FIG4: variants seen among roughly 807,000 people sequenced by gnomAD.
FIG4 encodes the protein polyphosphoinositide phosphatase.
A neutral mutation model predicts 118.6 loss-of-function variants in FIG4; 112 were observed. The ratio of observed to expected loss-of-function variants is 0.94; its 90% CI spans 0.81 to 1.11. The LOEUF (loss-of-function observed/expected upper bound fraction) is 1.11, where lower values mean the gene tolerates loss of function less well. FIG4 is among the 50% of genes least tolerant of loss of function. The probability of loss-of-function intolerance (pLI) is 0.00; values close to 1 mark genes in which losing one functional copy is unlikely to be tolerated. For synonymous variants in FIG4, 369 were observed against 381.2 expected (o/e 0.97, Z 0.37); for missense variants, 969 against 1,111.7 (o/e 0.87, Z 1.83).
intron 18 of FIG4, among the ~76,000 whole-genome samples, chr6:109,789,120 T>A (rs989770810): frequency 1.3e-5 from 2 of 152,228 alleles, no homozygotes; most frequent in African/African-American, 2.4e-5. Context: ...ATGTTGTCCA[T>A]GAAACTGAAC....
chr6:109,713,034 C>G (rs1472453402), intron 1 of FIG4, among the ~76,000 whole-genome samples: 2 of 152,160 alleles, frequency 1.3e-5, no homozygotes, highest in Admixed American at 1.3e-4. Flanking sequence ...GGACTGTGTG[C>G]TCTAACTCTG....
chr6:109,743,659 C>G lies in FIG4; in HGVS notation c.1040-16C>G. 1.2e-6 allele frequency: 2 copies of G among 1,600,032 alleles called. No individual in the cohort carries two copies. The highest frequency in any genetic ancestry group is 1.7e-6 in the Non-Finnish European group (2 of 1,168,704). On this transcript the variant is annotated splice_polypyrimidine_tract_variant and intron_variant, in intron 9 of 22. Transcript: ENST00000230124. ...AATTTTCATTCAGGTGCTTTTTCAT[C>G]TTTTTTCCTTCTCAGTGGATCAGGC...
At chr6:109,756,850 A>C (rs1039726305) in intron 10 of FIG4, among the ~76,000 whole-genome samples, 5 of 152,108 alleles carry the variant, frequency 3.3e-5, no homozygotes, top group South Asian at 2.1e-4. Context: ...AATTTTTTTC[A>C]AAGTTTTCAA....
At chr6:109,766,960 A>AAG in intron 15 of FIG4, 65 bp downstream of exon 15, 1 of 1,330,542 alleles carries the variant, frequency 7.5e-7, no homozygotes, top group Non-Finnish European at 1.1e-6. Flanking sequence ...ATGTCTTTTA[A>AAG]AGCTATCTGG....
In FIG4 at chr6:109,732,748, G is replaced by A. The variant is rs115467680; in HGVS notation, c.497+61G>A. 2,581 of 1,014,838 alleles carry A rather than the reference G, an allele frequency of 2.5e-3. 40 individuals are homozygous for A. In the African/African-American group the frequency reaches 0.031, roughly 12 times the overall value. The allele number at this position is 1,014,838 out of a possible 1,614,324, so 62.9% of individuals were successfully genotyped here. ...ATAAACTTTTATATTATTTTCCAGC[G>A]GGTAAAAGCAGAATGAGAACATAGT... On this transcript the variant is annotated intron_variant, in intron 5 of 22. Coordinates refer to ENST00000230124, the MANE Select transcript of FIG4 (RefSeq NM_014845.6).
At chr6:109,761,825 G>A (rs527968473) in intron 11 of FIG4, among the ~76,000 whole-genome samples, 2 of 152,312 alleles carry the variant, frequency 1.3e-5, no homozygotes, top group East Asian at 3.9e-4. Flanking sequence ...CTCAGGCAGG[G>A]ATGTTATATG....
intron 4 of FIG4, among the ~76,000 whole-genome samples, chr6:109,730,896 TAAA>T: frequency 6.6e-6 from 1 of 152,096 alleles, no homozygotes; most frequent in East Asian, 1.9e-4. Flanking sequence ...TTTGATACTG[TAAA>T]TATTCAAAAT....
At chr6:109,744,601 G>A (rs1776425630) in intron 10 of FIG4, among the ~76,000 whole-genome samples, 1 of 151,992 alleles carries the variant, frequency 6.6e-6, no homozygotes, top group East Asian at 1.9e-4. Context: ...AAGGAAGCCT[G>A]TGACCCTGTG....
intron 1 of FIG4, among the ~76,000 whole-genome samples, chr6:109,695,579 T>TACACACACACACACACACAG: frequency 6.7e-6 from 1 of 148,820 alleles, no homozygotes; most frequent in East Asian, 2.0e-4. Context: ...ATGCAGTGAA[T>TACACACACACACACACACAG]ACACACACAC....
At chr6:109,766,511 C>T (rs1159656702) in intron 14 of FIG4, among the ~76,000 whole-genome samples, 2 of 152,074 alleles carry the variant, frequency 1.3e-5, no homozygotes, top group Non-Finnish European at 2.9e-5. Context: ...TTTTTGGTGC[C>T]CCTGCTTCCA....
At chr6:109,793,708 C>T (rs1245117303) in intron 21 of FIG4, among the ~76,000 whole-genome samples, 1 of 151,930 alleles carries the variant, frequency 6.6e-6, no homozygotes, top group Non-Finnish European at 1.5e-5. Flanking sequence ...GAGGGCATTT[C>T]ATTTACAGAA....
intron 1 of FIG4, among the ~76,000 whole-genome samples, chr6:109,697,339 G>A (rs761122042): frequency 3.9e-5 from 6 of 151,950 alleles, no homozygotes; most frequent in Non-Finnish European, 8.8e-5. Flanking sequence ...GAGTGATTCT[G>A]GCTCAGGGTC....
chr6:109,742,356 C>T (rs181997598), intron 8 of FIG4, among the ~76,000 whole-genome samples: 2 of 152,170 alleles, frequency 1.3e-5, no homozygotes, highest in Non-Finnish European at 2.9e-5. Context: ...AGCAAAAATG[C>T]AGCCATCCTT....
chr6:109,821,766 C>A (rs144104554), intron 22 of FIG4, among the ~76,000 whole-genome samples: 1 of 152,146 alleles, frequency 6.6e-6, no homozygotes, highest in South Asian at 2.1e-4. Context: ...TGACCCACAG[C>A]GCATATAAAG....
intron 19 of FIG4, among the ~76,000 whole-genome samples, chr6:109,791,144 T>C (rs1241372474): frequency 6.6e-6 from 1 of 152,218 alleles, no homozygotes; most frequent in Non-Finnish European, 1.5e-5. Context: ...GCTCTGCAAG[T>C]AATTTTCATT....
intron 22 of FIG4, among the ~76,000 whole-genome samples, chr6:109,824,791 G>T (rs186503217): frequency 6.6e-6 from 1 of 152,322 alleles, no homozygotes; most frequent in East Asian, 1.9e-4. Context: ...TCCCAGTCAT[G>T]TGAGGGAGAC....
At chr6:109,739,466 C>A (rs1776258798) in intron 7 of FIG4, among the ~76,000 whole-genome samples, 1 of 152,032 alleles carries the variant, frequency 6.6e-6, no homozygotes, top group African/African-American at 2.4e-5. Flanking sequence ...GTACATTTTC[C>A]CCCCACAGAT....
chr6:109,785,160 T>C, intron 17 of FIG4, 132 bp downstream of exon 17: 1 of 695,210 alleles, frequency 1.4e-6, no homozygotes, highest in East Asian at 2.5e-5. Flanking sequence ...AGTATTATGT[T>C]GCTGCTTTAA....
intron 3 of FIG4, 92 bp downstream of exon 3, chr6:109,716,660 G>T (rs1422499638): frequency 7.0e-7 from 1 of 1,431,168 alleles, no homozygotes. Context: ...AGGCTATAAG[G>T]CTTTAAAATT....
Sources: gnomAD v4.1 joint callset for allele counts (sites outside exome capture counted in the v4.1 genomes callset) on GRCh38, gnomAD v4.1.1 for gene constraint, MANE v1.5 for transcripts, NCBI Gene and HGNC (gene_info 2026-07-23, HGNC 2026-07-21) for gene names.